The following ADGRG1 variants were observed in gnomAD, a reference collection of about 807,000 sequenced individuals.
The protein encoded by ADGRG1 is 7-transmembrane protein with no EGF-like N-terminal domains-1.
In ADGRG1, 53 loss-of-function variants were observed where a neutral mutation model predicts 73.5. That is an observed-to-expected ratio of 0.72 (90% CI 0.58 to 0.91). The LOEUF (loss-of-function observed/expected upper bound fraction) is 0.91, where lower values mean the gene tolerates loss of function less well. Ranked by LOEUF, ADGRG1 falls within the 40% of genes least tolerant of loss-of-function variation. The pLI is 0.00. For synonymous variants in ADGRG1, 394 were observed against 374.4 expected (o/e 1.05, Z -0.60); for missense variants, 795 against 871.8 (o/e 0.91, Z 1.11).
At chr16:57,652,770 C>A (rs188358284) in intron 3 of ADGRG1, 3 of 1,056,118 alleles carry the variant, frequency 2.8e-6, no homozygotes, top group Non-Finnish European at 3.4e-6. Flanking sequence ...ACACCTTAGT[C>A]GGCCGCCTTA....
At chr16:57,634,009 G>A (rs1413255046) in intron 1 of ADGRG1, 1 of 886,782 alleles carries the variant, frequency 1.1e-6, no homozygotes, top group East Asian at 1.2e-4. Context: ...GAGCTGAGCT[G>A]GAGCCATTAC....
At chr16:57,646,387 G>T (rs1320981087) in intron 1 of ADGRG1, 4 of 985,554 alleles carry the variant, frequency 4.1e-6, no homozygotes, top group Middle Eastern at 5.2e-4. Flanking sequence ...TCTCAGCTCA[G>T]ACAAACCCTG....
chr16:57,627,197 C>T, upstream of ADGRG1: 1 of 558,354 alleles, frequency 1.8e-6, no homozygotes, highest in Non-Finnish European at 2.3e-6. Flanking sequence ...TGCAGCAGCC[C>T]TGGCTCCTAG....
chr16:57,629,935 AG>A, intron 1 of ADGRG1: 1 of 844,912 alleles, frequency 1.2e-6, no homozygotes, highest in Non-Finnish European at 1.4e-6. Flanking sequence ...CGTAGGGAGG[AG>A]GGGATGGGTC....
intron 1 of ADGRG1, chr16:57,648,707 T>C: frequency 1.0e-6 from 1 of 984,620 alleles, no homozygotes; most frequent in Non-Finnish European, 1.2e-6. Context: ...GGCCGATGAC[T>C]GCCTCTGTCA....
At chr16:57,646,584 G>A (rs2042706649) in intron 1 of ADGRG1, 1 of 985,394 alleles carries the variant, frequency 1.0e-6, no homozygotes, top group Non-Finnish European at 1.2e-6. Context: ...ATCCCAGGCT[G>A]GATTCTCTGC....
At chr16:57,635,861 T>C (rs907780491) in intron 1 of ADGRG1, 30 of 985,006 alleles carry the variant, frequency 3.0e-5, no homozygotes, top group Non-Finnish European at 3.5e-5. Flanking sequence ...GTCCCTGCTA[T>C]AAAATGGGAA....
chr16:57,628,010 T>C (rs2036192812), upstream of ADGRG1: 1 of 985,238 alleles, frequency 1.0e-6, no homozygotes, highest in Non-Finnish European at 1.2e-6. Flanking sequence ...CCAAAATGAC[T>C]TGGGATGTTG....
chr16:57,630,444 T>C (rs2037483809), intron 1 of ADGRG1: 1 of 985,734 alleles, frequency 1.0e-6, no homozygotes, highest in Non-Finnish European at 1.2e-6. Context: ...GCCCTTCCTC[T>C]CCTCTCGCCT....
rs530769211 is a variant in ADGRG1 at position 57,644,525 on chromosome 16, T to C, written c.-35-5728T>C. ...ACTCATGCATGGGCACACACACTCATCACACACATGCGCAGGCACACACAT... is the reference window on the plus strand; with the variant it reads ...ACTCATGCATGGGCACACACACTCACCACACACATGCGCAGGCACACACAT... On this transcript the variant is annotated intron_variant, in intron 1 of 13. Coordinates refer to ENST00000562631, the MANE Select transcript of ADGRG1 (RefSeq NM_201525.4). Among the ~76,000 whole-genome samples, 3 of 123,788 alleles carry C rather than the reference T, an allele frequency of 2.4e-5. No homozygotes were observed. The East Asian group carries it at 7.8e-4, about 32-fold the overall frequency. The allele number at this position is 123,788 out of a possible 152,430, so 81.2% of individuals were successfully genotyped here.
rs537506037 is a variant in ADGRG1, at chr16:57,642,394, T to C, written c.-35-7859T>C. On this transcript the variant is annotated intron_variant, in intron 1 of 13. Coordinates refer to ENST00000562631, the MANE Select transcript of ADGRG1 (RefSeq NM_201525.4). ...CTCTAGCTCATCTCATGCTAGCTAATGACCTTTGGGACAGCTCAAAGGGGA... is the reference window on the plus strand; with the variant it reads ...CTCTAGCTCATCTCATGCTAGCTAACGACCTTTGGGACAGCTCAAAGGGGA... 3.0e-6 allele frequency: 3 copies of C among 985,252 alleles called. No homozygotes were observed. In the African/African-American group the frequency reaches 5.2e-5, roughly 17 times the overall value. 61.0% of individuals were successfully genotyped at this position (985,252 alleles called of 1,614,324 possible). A position where few individuals can be genotyped will look rare whatever the true frequency, so the allele number is the denominator to read the frequency against.
At chr16:57,654,445 T>C in intron 5 of ADGRG1, among the ~76,000 whole-genome samples, 1 of 113,272 alleles carries the variant, frequency 8.8e-6, no homozygotes, top group Non-Finnish European at 1.7e-5. Flanking sequence ...CGAGACAGGG[T>C]CTTGCTTTGT....
At chr16:57,652,082 AG>A in intron 3 of ADGRG1, 1 of 1,038,362 alleles carries the variant, frequency 9.6e-7, no homozygotes, top group South Asian at 3.3e-5. Flanking sequence ...CTGCACAGCT[AG>A]CCAATGGGAG....
At chr16:57,646,686 G>A in intron 1 of ADGRG1, 2 of 985,146 alleles carry the variant, frequency 2.0e-6, no homozygotes, top group Non-Finnish European at 2.4e-6. Context: ...ATCAATGCCA[G>A]CTCTACAAGG....
chr16:57,653,264 C>G lies in ADGRG1; in HGVS notation c.549C>G (p.Leu183=). 6.2e-7 allele frequency: 1 copy of G among 1,612,968 alleles called. No individual in the cohort carries two copies. The highest frequency in any genetic ancestry group is 8.5e-7 in the Non-Finnish European group (1 of 1,179,966). Residue 183 remains leucine, a synonymous_variant, in exon 4 of 14, where the codon CTC becomes CTG. Transcript: ENST00000562631. The part of the protein sequence containing the change: ...SVDMCELKRD[L]QLLSQFLKHP... ...ACATGTGCGAGCTCAAAAGGGACCT[C>G]CAGCTGCTCAGCCAGTTCCTGAAGC...
At position 57,651,307 on chromosome 16, in the gene ADGRG1, A is replaced by G; in HGVS notation, c.172A>G (p.Ile58Val). ...ACCCACACCAGACCTGCGCATCTCC[A>G]TCGAGAACTCCGAAGAGGCCCTCAC... ...YKPTPDLRIS[I>V]ENSEEALTVH... The change falls in exon 3 of 14, where the codon ATC becomes GTC. Residue 58 changes from isoleucine to valine, a missense_variant. Coordinates refer to ENST00000562631, the MANE Select transcript of ADGRG1 (RefSeq NM_201525.4). The G allele has an allele frequency of 6.2e-7, 1 of 1,613,458 alleles. No homozygotes were observed. Among genetic ancestry groups the G allele is most frequent in the African/African-American group, 1.3e-5 (1 of 74,960 alleles).
Position 57,661,839 on chromosome 16 carries a change from G to A in ADGRG1, c.1807G>A (p.Val603Met), listed in dbSNP as rs774768931. Residue 603 changes from valine to methionine, a missense_variant, in exon 13 of 14, where the codon GTG becomes ATG. By Grantham distance (21) the Val-to-Met change is conservative. Coordinates refer to ENST00000562631, the MANE Select transcript of ADGRG1 (RefSeq NM_201525.4). Reference protein sequence around the residue: ...LRPHTQKWSHVLTLLGLSLVL... With the variant: ...LRPHTQKWSHMLTLLGLSLVL... ...CCCCCACACCCAAAAGTGGTCACAT[G>A]TGCTGACACTGCTGGGCCTCAGCCT... The A allele has an allele frequency of 1.9e-6, 3 of 1,614,258 alleles. No homozygotes were observed. Among genetic ancestry groups the A allele is most frequent in the Non-Finnish European group, 2.5e-6 (3 of 1,180,038 alleles).
At chr16:57,642,048 T>C (rs2040977540) in intron 1 of ADGRG1, 1 of 983,508 alleles carries the variant, frequency 1.0e-6, no homozygotes, top group Non-Finnish European at 1.2e-6. Context: ...CTACTACCCC[T>C]GGCTTCAATT....
In ADGRG1 at chr16:57,651,264, G is replaced by A. The variant is rs1437152190; in HGVS notation, c.129G>A (p.Arg43=). 1.2e-6 allele frequency: 2 copies of A among 1,614,118 alleles called. No homozygotes were observed. Among genetic ancestry groups the A allele is most frequent in the East Asian group, 2.2e-5 (1 of 44,870 alleles). The part of the protein sequence containing the change: ...RFCSQRNQTH[R]SSLHYKPTPD... The stretch of plus-strand genomic sequence containing the variant: ...GCAGCCAGCGGAACCAGACACACAG[G>A]AGCAGCCTCCACTACAAACCCACAC... Residue 43 remains arginine (R), a synonymous_variant, in exon 3 of 14, where the codon AGG becomes AGA. Transcript: ENST00000562631.
Sources: gnomAD v4.1 joint callset for allele counts (sites outside exome capture counted in the v4.1 genomes callset) on GRCh38, gnomAD v4.1.1 for gene constraint, MANE v1.5 for transcripts, NCBI Gene and HGNC (gene_info 2026-07-23, HGNC 2026-07-21) for gene names.